Variants in SOX5 observed in about 807,000 individuals in gnomAD.
SOX5 encodes the protein SRY-box transcription factor 5.
SOX5 carries 9 observed loss-of-function variants against 92.0 expected under a neutral mutation model. That is an observed-to-expected ratio of 0.10 (90% confidence interval 0.06 to 0.17). The LOEUF (loss-of-function observed/expected upper bound fraction) is 0.17. Ranked by LOEUF, SOX5 falls within the 10% of genes least tolerant of loss-of-function variation. The pLI, the probability that SOX5 is intolerant of heterozygous loss-of-function variation, is 1.00. For synonymous variants in SOX5, 344 were observed against 336.3 expected, an observed-to-expected ratio of 1.02 and a Z score of -0.25; for missense variants, 642 against 944.5, an observed-to-expected ratio of 0.68 and a Z score of 4.20.
chr12:23,956,123 G>C (rs938958696), intron 4 of SOX5, among the ~76,000 whole-genome samples: 12 of 152,122 alleles, frequency 7.9e-5, no homozygotes, highest in Non-Finnish European at 1.8e-4. Flanking sequence ...TCATTTTTCA[G>C]TTGACTACAT....
At chr12:23,963,259 C>T (rs1947158997) in intron 4 of SOX5, among the ~76,000 whole-genome samples, 1 of 152,120 alleles carries the variant, frequency 6.6e-6, no homozygotes, top group Non-Finnish European at 1.5e-5. Flanking sequence ...AACATGCTGA[C>T]AAAACACAGG....
At chr12:23,789,943 C>G (rs2095442142) in intron 3 of SOX5, among the ~76,000 whole-genome samples, 1 of 152,092 alleles carries the variant, frequency 6.6e-6, no homozygotes, top group African/African-American at 2.4e-5. Flanking sequence ...AAGCTCAACC[C>G]CGCAAGTCCA....
intron 3 of SOX5, among the ~76,000 whole-genome samples, chr12:24,247,788 C>T (rs1939169244): frequency 6.6e-6 from 1 of 151,132 alleles, no homozygotes; most frequent in East Asian, 1.9e-4. Context: ...GTAGCTGGGA[C>T]TACAGGTGCC....
intron 3 of SOX5, among the ~76,000 whole-genome samples, chr12:23,835,187 C>A (rs529416060): frequency 2.0e-5 from 3 of 151,474 alleles, no homozygotes; most frequent in African/African-American, 7.3e-5. Flanking sequence ...CGGTTGCCTT[C>A]GATTTGTTTA....
chr12:23,888,408 T>C (rs993741917), intron 2 of SOX5, among the ~76,000 whole-genome samples: 1 of 144,430 alleles, frequency 6.9e-6, no homozygotes, highest in African/African-American at 2.5e-5. Flanking sequence ...ACAACTCCCA[T>C]AGCACTTTTT....
chr12:23,844,132 T>G (rs1177150582), intron 3 of SOX5, among the ~76,000 whole-genome samples: 1 of 152,208 alleles, frequency 6.6e-6, no homozygotes, highest in East Asian at 1.9e-4. Flanking sequence ...CAGGGCAAAA[T>G]CATCTGGCAA....
At chr12:23,771,058 C>A (rs1017128129) in intron 3 of SOX5, among the ~76,000 whole-genome samples, 1 of 151,762 alleles carries the variant, frequency 6.6e-6, no homozygotes, top group Non-Finnish European at 1.5e-5. Flanking sequence ...TTTTGTGAAT[C>A]AGATTATTAT....
intron 4 of SOX5, among the ~76,000 whole-genome samples, chr12:24,047,599 A>C (rs1457268573): frequency 6.6e-6 from 1 of 152,196 alleles, no homozygotes; most frequent in Non-Finnish European, 1.5e-5. Flanking sequence ...AATTTATGGC[A>C]CTAGTGGGCA....
intron 4 of SOX5, among the ~76,000 whole-genome samples, chr12:24,047,536 A>G (rs1304092095): frequency 6.6e-6 from 1 of 152,222 alleles, no homozygotes; most frequent in East Asian, 1.9e-4. Flanking sequence ...ATGATATCTT[A>G]AAGACTGTAG....
At chr12:23,540,144 G>A (rs1403716046) in intron 13 of SOX5, among the ~76,000 whole-genome samples, 1 of 151,408 alleles carries the variant, frequency 6.6e-6, no homozygotes, top group Non-Finnish European at 1.5e-5. Context: ...GGGGGTGGCT[G>A]GCTGCTTACT....
At chr12:24,475,342 A>C (rs949733351) in intron 1 of SOX5, among the ~76,000 whole-genome samples, 6 of 152,246 alleles carry the variant, frequency 3.9e-5, no homozygotes, top group African/African-American at 1.4e-4. Flanking sequence ...AACATGGTTC[A>C]AGTCTCTCCC....
At chr12:23,672,144 A>G (rs2084890270) in intron 6 of SOX5, among the ~76,000 whole-genome samples, 1 of 152,112 alleles carries the variant, frequency 6.6e-6, no homozygotes, top group African/African-American at 2.4e-5. Flanking sequence ...GATGACTACA[A>G]ATACTTTTGT....
At chr12:24,180,377 C>T (rs1474460737) in intron 4 of SOX5, among the ~76,000 whole-genome samples, 1 of 152,150 alleles carries the variant, frequency 6.6e-6, no homozygotes, top group African/African-American at 2.4e-5. Context: ...AATTAAATGT[C>T]TCAACTAAAT....
intron 4 of SOX5, among the ~76,000 whole-genome samples, chr12:24,161,323 C>T (rs1952731742): frequency 6.6e-6 from 1 of 151,940 alleles, no homozygotes; most frequent in Admixed American, 6.6e-5. Flanking sequence ...CTTATAAGTC[C>T]CACTCTCCAT....
At chr12:24,020,227 C>G (rs1954125267) in intron 4 of SOX5, among the ~76,000 whole-genome samples, 1 of 152,108 alleles carries the variant, frequency 6.6e-6, no homozygotes, top group South Asian at 2.1e-4. Context: ...CAACATTAAC[C>G]AACCCCTGAT....
At chr12:23,943,439 C>T (rs557541758) in intron 1 of SOX5, among the ~76,000 whole-genome samples, 9 of 152,018 alleles carry the variant, frequency 5.9e-5, no homozygotes, top group African/African-American at 1.2e-4. Context: ...AAATTCATCA[C>T]GACGGCATAG....
intron 2 of SOX5, among the ~76,000 whole-genome samples, chr12:24,327,704 C>G (rs1465430085): frequency 6.6e-6 from 1 of 152,084 alleles, no homozygotes; most frequent in Non-Finnish European, 1.5e-5. Flanking sequence ...CTGCCTCAGC[C>G]TCCGGAGTAG....
chr12:24,444,717 C>A (rs190096448), intron 1 of SOX5, among the ~76,000 whole-genome samples: 1 of 152,166 alleles, frequency 6.6e-6, no homozygotes, highest in Non-Finnish European at 1.5e-5. Flanking sequence ...AAATGTCTAA[C>A]GTCTGCTAAA....
intron 9 of SOX5, among the ~76,000 whole-genome samples, chr12:23,600,522 C>T (rs375340985): frequency 2.3e-4 from 9 of 39,810 alleles, no homozygotes; most frequent in Non-Finnish European, 3.7e-4. Flanking sequence ...GGGGGGGGTG[C>T]ATATATATAT....
Sources: allele counts gnomAD v4.1 joint callset (sites outside exome capture counted in the v4.1 genomes callset), GRCh38; gene constraint gnomAD v4.1.1; transcripts MANE v1.5; gene names NCBI Gene and HGNC (gene_info 2026-07-23, HGNC 2026-07-21).